The following DENND5B variants were observed in gnomAD, a reference collection of about 807,000 sequenced individuals.
DENND5B encodes DENN domain-containing protein 5B.
DENND5B carries 34 observed loss-of-function variants against 140.6 expected under a neutral mutation model. That is an observed-to-expected ratio of 0.24 (90% CI 0.18 to 0.32). The LOEUF (loss-of-function observed/expected upper bound fraction) is 0.32, where lower values mean the gene tolerates loss of function less well. Ranked by LOEUF, DENND5B falls within the 10% of genes least tolerant of loss-of-function variation. The probability of loss-of-function intolerance (pLI) is 1.00; values close to 1 mark genes in which losing one functional copy is unlikely to be tolerated. For missense variants in DENND5B, 1,142 were observed against 1,560.2 expected (o/e 0.73, Z 4.52); for synonymous variants, 551 against 562.1 (o/e 0.98, Z 0.28).
chr12:31,550,292 C>T (rs1439950172), intron 1 of DENND5B, among the ~76,000 whole-genome samples: 2 of 145,202 alleles, frequency 1.4e-5, no homozygotes, highest in Non-Finnish European at 3.0e-5. Context: ...TCAATTCCCA[C>T]CTATGAGTGA....
At chr12:31,420,201 T>G (rs1040263949) in intron 11 of DENND5B, among the ~76,000 whole-genome samples, 1 of 151,968 alleles carries the variant, frequency 6.6e-6, no homozygotes, top group Non-Finnish European at 1.5e-5. Context: ...ATCACAGCAC[T>G]CACTGTAGCC....
rs1949715068 is a variant in DENND5B, at chr12:31,568,749, G to GC, written c.127+21956dup. ...CGTTCAAATTACACCCTGAACACATGCCCCCAAAAACTCCTTTTAAATTTT... is the reference window on the plus strand; with the variant it reads ...CGTTCAAATTACACCCTGAACACATGCCCCCCAAAAACTCCTTTTAAATTTT... On this transcript the variant is annotated intron_variant, in intron 1 of 20. Transcript: ENST00000389082. Among the ~76,000 whole-genome samples the GC allele has an allele frequency of 2.0e-5, 3 of 152,210 alleles. No homozygotes were observed. The South Asian group carries it at 6.2e-4, about 32-fold the overall frequency.
chr12:31,580,804 G>C (rs1446694927), intron 1 of DENND5B, among the ~76,000 whole-genome samples: 2 of 151,716 alleles, frequency 1.3e-5, no homozygotes, highest in Non-Finnish European at 2.9e-5. Flanking sequence ...CCATTTTAGA[G>C]TTTTTAAAAT....
In DENND5B at chr12:31,525,174, T is replaced by C. The variant is rs182869507; in HGVS notation, c.128-29255A>G. On this transcript the variant is annotated intron_variant, in intron 1 of 20. Coordinates refer to ENST00000389082, the MANE Select transcript of DENND5B (RefSeq NM_144973.4). ...CTGCTTTGAAAAAGTCTGCTAATTC[T>C]TCAAGTGGTTAAACATAGTATATAC... 3.3e-5 allele frequency among the ~76,000 whole-genome samples: 5 copies of C among 152,312 alleles called. No homozygotes were observed. In the East Asian group the frequency reaches 9.6e-4, roughly 29 times the overall value.
At position 31,433,234 on chromosome 12, in the gene DENND5B, C is replaced by T. The variant is rs773455309; in HGVS notation, c.2027G>A (p.Arg676Gln). The change falls in exon 8 of 21, where the codon CGG (arginine) becomes CAG (glutamine). Residue 676 changes from arginine (R) to glutamine (Q), a missense_variant. By Grantham distance (43) the Arg-to-Gln change is conservative. Transcript: ENST00000389082. ...GPTSNNRWVS[R>Q]SATAQRRKER... ...TTTCCTGCGCTGTGCAGTGGCACTC[C>T]GACTTACCCAGCGACTGAAACAATC... 2.5e-6 allele frequency: 4 copies of T among 1,610,378 alleles called. No homozygotes were observed. The highest frequency in any genetic ancestry group is 1.7e-5 in the Admixed American group (1 of 59,148).
In DENND5B at chr12:31,479,842, T is replaced by G. The variant is rs770575919; in HGVS notation, c.651A>C (p.Ser217=). ...CAAGTGGCAAGGGTGGTGGCTGCTG[T>G]GAGGTAACAGCCTTGTAAAGCTGGA... ...FLIQLYKAVT[S]QQPPPLPLES... Residue 217 remains serine, a synonymous_variant, in exon 3 of 21, where the codon TCA becomes TCC. Coordinates refer to ENST00000389082, the MANE Select transcript of DENND5B (RefSeq NM_144973.4). The G allele has an allele frequency of 7.4e-6, 12 of 1,613,780 alleles. No individual in the cohort carries two copies. Among genetic ancestry groups the G allele is most frequent in the East Asian group, 2.2e-5 (1 of 44,892 alleles).
chr12:31,398,382 G>GA lies in DENND5B; in HGVS notation c.3069-21_3069-20insT, dbSNP rs1328811894. 1 of 1,519,210 alleles carries GA rather than the reference G, an allele frequency of 6.6e-7. No individual in the cohort carries two copies. The highest frequency in any genetic ancestry group is 2.5e-5 in the East Asian group (1 of 40,604). 94.1% of individuals were successfully genotyped at this position (1,519,210 alleles called of 1,614,324 possible). On this transcript the variant is annotated intron_variant, in intron 16 of 20. Transcript: ENST00000389082. ...GGGAATCTGGTAGGACAGAAAACAA[G>GA]TTTTTTATTTTTTATTTTTTTGAGA...
chr12:31,440,034 G>A (rs1201771693), intron 7 of DENND5B, among the ~76,000 whole-genome samples: 3 of 136,066 alleles, frequency 2.2e-5, no homozygotes, highest in South Asian at 2.4e-4. Context: ...ACAAATAAAA[G>A]AAAAAATTAA....
intron 1 of DENND5B, among the ~76,000 whole-genome samples, chr12:31,534,481 T>C (rs1044484428): frequency 1.4e-5 from 2 of 148,146 alleles, no homozygotes; most frequent in Admixed American, 6.7e-5. Flanking sequence ...GTTAAAATTA[T>C]CTCTGATAAA....
At chr12:31,413,661 A>T in intron 12 of DENND5B, 97 bp from the exon 13 acceptor site, 2 of 1,344,532 alleles carry the variant, frequency 1.5e-6, no homozygotes, top group Non-Finnish European at 2.0e-6. Flanking sequence ...AGAAAGGTTT[A>T]TACTTAAAGG....
intron 1 of DENND5B, among the ~76,000 whole-genome samples, chr12:31,587,954 A>G (rs1483227931): frequency 6.6e-6 from 1 of 152,186 alleles, no homozygotes; most frequent in African/African-American, 2.4e-5. Context: ...TAGAAGGCAC[A>G]TCAGATCTTG....
chr12:31,581,981 T>C (rs1264797427), intron 1 of DENND5B, among the ~76,000 whole-genome samples: 1 of 152,194 alleles, frequency 6.6e-6, no homozygotes, highest in Non-Finnish European at 1.5e-5. Context: ...ATGTAAATGG[T>C]TGTTATGCTG....
At chr12:31,537,689 A>G (rs568517042) in intron 1 of DENND5B, among the ~76,000 whole-genome samples, 1 of 152,228 alleles carries the variant, frequency 6.6e-6, no homozygotes, top group Admixed American at 6.5e-5. Flanking sequence ...AAGGGATTAA[A>G]AAAACAAAAA....
chr12:31,534,512 T>C (rs188170368), intron 1 of DENND5B, among the ~76,000 whole-genome samples: 163 of 152,250 alleles, frequency 1.1e-3, no homozygotes, highest in African/African-American at 3.4e-3. Context: ...TCCACAAAAA[T>C]AATTAAAGAT....
intron 2 of DENND5B, among the ~76,000 whole-genome samples, chr12:31,483,153 C>A (rs1946135267): frequency 6.6e-6 from 1 of 152,206 alleles, no homozygotes; most frequent in Admixed American, 6.5e-5. Context: ...AATATTTCTA[C>A]TTTCACACAC....
chr12:31,398,456 CA>C, intron 16 of DENND5B, 94 bp from the exon 17 acceptor site: 1 of 1,202,084 alleles, frequency 8.3e-7, no homozygotes, highest in Non-Finnish European at 1.1e-6. Flanking sequence ...AGGTGTGCAC[CA>C]CCACACCTGG....
intron 13 of DENND5B, among the ~76,000 whole-genome samples, chr12:31,409,876 T>G (rs184711993): frequency 1.3e-5 from 2 of 152,280 alleles, no homozygotes; most frequent in Admixed American, 1.3e-4. Flanking sequence ...ACTCAAGAAA[T>G]CCTCCTGCCT....
chr12:31,489,672 T>C (rs1329746125), intron 2 of DENND5B, among the ~76,000 whole-genome samples: 1 of 152,168 alleles, frequency 6.6e-6, no homozygotes, highest in Non-Finnish European at 1.5e-5. Flanking sequence ...GTTCTCATGG[T>C]GCTTACATTA....
chr12:31,569,817 A>G (rs967846596), intron 1 of DENND5B, among the ~76,000 whole-genome samples: 5 of 151,952 alleles, frequency 3.3e-5, no homozygotes, highest in African/African-American at 7.3e-5. Context: ...GTCTCAAAAA[A>G]TAACAGTTAA....
Sources: gnomAD v4.1 joint callset for allele counts (sites outside exome capture counted in the v4.1 genomes callset) on GRCh38, gnomAD v4.1.1 for gene constraint, MANE v1.5 for transcripts, NCBI Gene and HGNC (gene_info 2026-07-23, HGNC 2026-07-21) for gene names.